Variants in UBTD2 observed in about 807,000 individuals in gnomAD.
UBTD2 encodes ubiquitin domain-containing protein 2.
In UBTD2, 9 loss-of-function variants were observed where a neutral mutation model predicts 19.8. That is an observed-to-expected ratio of 0.46 (90% CI 0.27 to 0.79). The LOEUF (loss-of-function observed/expected upper bound fraction) is 0.79. Among genes scored for constraint, UBTD2 ranks in the 30% least tolerant of loss-of-function variants. The probability of loss-of-function intolerance (pLI) is 0.14; values close to 1 mark genes in which losing one functional copy is unlikely to be tolerated. For synonymous variants in UBTD2, 98 were observed against 103.9 expected, an observed-to-expected ratio of 0.94 and a Z score of 0.35; for missense variants, 250 against 300.4, an observed-to-expected ratio of 0.83 and a Z score of 1.24.
At chr5:172,235,232 G>T (rs992188517) in intron 1 of UBTD2, among the ~76,000 whole-genome samples, 1 of 152,116 alleles carries the variant, frequency 6.6e-6, no homozygotes, top group Non-Finnish European at 1.5e-5. Flanking sequence ...GGAAGCAAAC[G>T]GCAATAGTAG....
chr5:172,231,555 G>A (rs11134738), intron 2 of UBTD2, among the ~76,000 whole-genome samples: 49,263 of 151,956 alleles, frequency 0.32, 8,077 homozygotes, highest in South Asian at 0.42. Flanking sequence ...TATGCATGAG[G>A]CCCAGCCTTA....
rs1220626044 is a variant in UBTD2 at position 172,249,393 on chromosome 5, C to T, written c.71-15035G>A. 5.0e-4 allele frequency among the ~76,000 whole-genome samples: 57 copies of T among 113,856 alleles called. 1 individual carries two copies. Among genetic ancestry groups the T allele is most frequent in the Non-Finnish European group, 5.1e-4 (30 of 58,538 alleles). The allele number at this position is 113,856 out of a possible 152,430, so 74.7% of individuals were successfully genotyped here. ...CAGCCTAGGTGACAGAGCAAGACTC[C>T]GTCTCATGAAAAAAAAAAAAAAAAA... is the stretch of plus-strand genomic sequence containing the variant. On this transcript the variant is annotated intron_variant, in intron 1 of 2. Transcript: ENST00000393792.
chr5:172,243,554 CTTTTTTTT>C (rs58327908), intron 1 of UBTD2, among the ~76,000 whole-genome samples: 2 of 101,100 alleles, frequency 2.0e-5, no homozygotes, highest in African/African-American at 3.9e-5. Context: ...TGTGAGAAAC[CTTTTTTTT>C]TTTTTTTTTT....
rs1311548891 is a variant in UBTD2, at chr5:172,210,278, AAACT to A, written c.*1548_*1551del. ...TCAATACCATTTAAACATTACATTT[AAACT>A]AATTAGCAGTTTCATTTTGTCATTA... is the stretch of plus-strand genomic sequence containing the variant. On this transcript the variant is annotated 3_prime_UTR_variant, in exon 3 of 3. Transcript: ENST00000393792. 3 of 152,244 alleles carry A rather than the reference AAACT, an allele frequency of 2.0e-5. No homozygotes were observed. Among genetic ancestry groups the A allele is most frequent in the Non-Finnish European group, 4.4e-5 (3 of 68,054 alleles). The allele number at this position is 152,244 out of a possible 1,614,324, so 9.4% of individuals were successfully genotyped here. A position where few individuals can be genotyped will look rare whatever the true frequency, so the allele number is the denominator to read the frequency against.
chr5:172,280,687 G>GA (rs1269277961), intron 1 of UBTD2, among the ~76,000 whole-genome samples: 1 of 151,924 alleles, frequency 6.6e-6, no homozygotes, highest in Non-Finnish European at 1.5e-5. Context: ...TTTTTTATTT[G>GA]AAAAAAGCCT....
At chr5:172,259,852 G>A (rs989269564) in intron 1 of UBTD2, among the ~76,000 whole-genome samples, 5 of 151,964 alleles carry the variant, frequency 3.3e-5, no homozygotes, top group Admixed American at 2.0e-4. Flanking sequence ...TCAGGAGTTC[G>A]ATACCAGCCT....
rs1561867557 is a variant in UBTD2 at position 172,273,101 on chromosome 5, ATAAAAAT to A, written c.70+10488_70+10494del. Reference sequence around the variant, plus strand: ...CTCCGTCTCAAAAAAAAAAATAAAAATAAAAATAAAAATCTGTCCAAAGAAGAGGCAT... The same window carrying A: ...CTCCGTCTCAAAAAAAAAAATAAAAAAAAAATCTGTCCAAAGAAGAGGCAT... On this transcript the variant is annotated intron_variant, in intron 1 of 2. Coordinates refer to ENST00000393792, the MANE Select transcript of UBTD2 (RefSeq NM_152277.3). Among the ~76,000 whole-genome samples the A allele has an allele frequency of 1.4e-3, 204 of 144,226 alleles. 6 individuals carry two copies. Among genetic ancestry groups the A allele is most frequent in the African/African-American group, 5.4e-3 (194 of 35,760 alleles). The allele number at this position is 144,226 out of a possible 152,430, so 94.6% of individuals were successfully genotyped here.
chr5:172,244,527 A>C (rs1754820250), intron 1 of UBTD2, among the ~76,000 whole-genome samples: 1 of 150,936 alleles, frequency 6.6e-6, no homozygotes, highest in Non-Finnish European at 1.5e-5. Context: ...CGAACTCCCA[A>C]CCTTAGATGA....
chr5:172,233,649 A>C (rs1771948902), intron 2 of UBTD2, among the ~76,000 whole-genome samples: 1 of 152,196 alleles, frequency 6.6e-6, no homozygotes, highest in African/African-American at 2.4e-5. Context: ...TTATTATGCC[A>C]AAAATAGGCT....
At chr5:172,234,802 G>T (rs1178116151) in intron 1 of UBTD2, among the ~76,000 whole-genome samples, 1 of 129,982 alleles carries the variant, frequency 7.7e-6, no homozygotes. Context: ...CAGCTACTTG[G>T]GAGGCTGAGG....
chr5:172,215,440 C>G lies in UBTD2; in HGVS notation c.308-3213G>C, dbSNP rs145106031. On this transcript the variant is annotated intron_variant, in intron 2 of 2. Transcript: ENST00000393792. ...AGGCAGGGACTATGACTGAGAAGCA[C>G]TGGTCCAGTTCATGATCCAGAGGCA... Among the ~76,000 whole-genome samples the G allele has an allele frequency of 7.2e-5, 11 of 152,300 alleles. No individual in the cohort carries two copies. The East Asian group carries it at 1.2e-3, about 16-fold the overall frequency.
intron 1 of UBTD2, among the ~76,000 whole-genome samples, chr5:172,273,590 C>CAAAAAAAAAAAAAAAAAAAAAAAAAAAA (rs35687001): frequency 2.7e-5 from 1 of 36,400 alleles, no homozygotes; most frequent in Non-Finnish European, 5.2e-5. Context: ...GACTCCGTCT[C>CAAAAAAAAAAAAAAAAAAAAAAAAAAAA]AAAAAAAAAA....
intron 1 of UBTD2, among the ~76,000 whole-genome samples, chr5:172,268,512 C>A (rs1037916169): frequency 6.6e-6 from 1 of 152,086 alleles, no homozygotes; most frequent in Non-Finnish European, 1.5e-5. Context: ...CAATGTCGGC[C>A]GGGCGTGGCA....
At chr5:172,251,625 T>TG (rs1491306323) in intron 1 of UBTD2, among the ~76,000 whole-genome samples, 1 of 96,778 alleles carries the variant, frequency 1.0e-5, no homozygotes, top group South Asian at 4.3e-4. Context: ...CAAAGTGCAA[T>TG]GAAAAAAAAA....
chr5:172,223,306 T>A (rs1186455730), intron 2 of UBTD2, among the ~76,000 whole-genome samples: 1 of 151,792 alleles, frequency 6.6e-6, no homozygotes, highest in East Asian at 1.9e-4. Context: ...AGATTTAATA[T>A]AAAAAAGCAA....
At chr5:172,253,751 C>T (rs1755078868) in intron 1 of UBTD2, among the ~76,000 whole-genome samples, 1 of 150,480 alleles carries the variant, frequency 6.6e-6, no homozygotes. Flanking sequence ...TGTGCACGGC[C>T]CCAACCCAAT....
At chr5:172,266,882 AT>A (rs1755389532) in intron 1 of UBTD2, among the ~76,000 whole-genome samples, 1 of 152,044 alleles carries the variant, frequency 6.6e-6, no homozygotes, top group Non-Finnish European at 1.5e-5. Context: ...TACAAAAAAA[AT>A]TTAGAGATCA....
At chr5:172,257,143 C>T (rs1755170495) in intron 1 of UBTD2, among the ~76,000 whole-genome samples, 1 of 152,174 alleles carries the variant, frequency 6.6e-6, no homozygotes, top group South Asian at 2.1e-4. Flanking sequence ...CTCCTCCCAT[C>T]CTCTGCCCTC....
chr5:172,244,261 AATT>A (rs1376581673), intron 1 of UBTD2, among the ~76,000 whole-genome samples: 1 of 151,424 alleles, frequency 6.6e-6, no homozygotes, highest in Non-Finnish European at 1.5e-5. Flanking sequence ...TTGATGAATC[AATT>A]TATCGCAAGA....
Sources: gnomAD v4.1 joint callset for allele counts (sites outside exome capture counted in the v4.1 genomes callset) on GRCh38, gnomAD v4.1.1 for gene constraint, MANE v1.5 for transcripts, NCBI Gene and HGNC (gene_info 2026-07-23, HGNC 2026-07-21) for gene names.